The following CDIN1 variants were observed in gnomAD, a reference collection of about 807,000 sequenced individuals.
The protein encoded by CDIN1 is CDAN1-interacting nuclease 1.
In CDIN1, 33 loss-of-function variants were observed where a neutral mutation model predicts 45.3. That is an observed-to-expected ratio of 0.73 (90% CI 0.55 to 0.97). The LOEUF is 0.97. Among genes scored for constraint, CDIN1 ranks in the 50% least tolerant of loss-of-function variants. The pLI is 0.00. For missense variants in CDIN1, 303 were observed against 339.4 expected, an observed-to-expected ratio of 0.89 and a Z score of 0.84; for synonymous variants, 118 against 124.4, an observed-to-expected ratio of 0.95 and a Z score of 0.34.
At chr15:36,714,258 A>G (rs1203804504) in intron 10 of CDIN1, among the ~76,000 whole-genome samples, 1 of 152,202 alleles carries the variant, frequency 6.6e-6, no homozygotes, top group African/African-American at 2.4e-5. Context: ...AAAAACAGAA[A>G]ATAACTGAGA....
chr15:36,723,107 C>G (rs1411994556), intron 10 of CDIN1, among the ~76,000 whole-genome samples: 1 of 151,978 alleles, frequency 6.6e-6, no homozygotes, highest in Non-Finnish European at 1.5e-5. Context: ...TTTTGGTCAC[C>G]TTTTCTCACA....
chr15:36,667,547 G>A (rs2041293243), intron 5 of CDIN1, among the ~76,000 whole-genome samples: 1 of 152,138 alleles, frequency 6.6e-6, no homozygotes, highest in African/African-American at 2.4e-5. Flanking sequence ...TATCTAAAAG[G>A]AAGTCTATTA....
chr15:36,702,666 A>G (rs996442125), intron 8 of CDIN1, among the ~76,000 whole-genome samples: 1 of 152,100 alleles, frequency 6.6e-6, no homozygotes, highest in Admixed American at 6.5e-5. Flanking sequence ...TTATTGGCTT[A>G]AATATACACT....
At chr15:36,598,006 T>G (rs984823829) in intron 1 of CDIN1, among the ~76,000 whole-genome samples, 13 of 152,204 alleles carry the variant, frequency 8.5e-5, no homozygotes, top group African/African-American at 3.1e-4. Context: ...TGATTATTCT[T>G]TTGAGACCGG....
chr15:36,782,900 G>A (rs1423022242), intron 10 of CDIN1, among the ~76,000 whole-genome samples: 3 of 152,098 alleles, frequency 2.0e-5, no homozygotes, highest in Admixed American at 6.5e-5. Flanking sequence ...AAAGAGTTCT[G>A]CCAGCCAGAC....
intron 7 of CDIN1, among the ~76,000 whole-genome samples, 172 bp from the exon 8 acceptor site, chr15:36,697,151 A>C (rs1178635495): frequency 6.6e-6 from 1 of 152,050 alleles, no homozygotes; most frequent in Admixed American, 6.6e-5. Flanking sequence ...GTTTTAAAAA[A>C]TTATAGAAAA....
At chr15:36,595,868 C>T (rs2037800741) in intron 1 of CDIN1, among the ~76,000 whole-genome samples, 1 of 152,236 alleles carries the variant, frequency 6.6e-6, no homozygotes, top group Non-Finnish European at 1.5e-5. Context: ...GACCCAGGCG[C>T]CTGCTGAGAA....
intron 1 of CDIN1, among the ~76,000 whole-genome samples, chr15:36,590,506 G>A (rs1001982416): frequency 2.6e-5 from 4 of 152,036 alleles, no homozygotes; most frequent in Admixed American, 6.6e-5. Flanking sequence ...ACCAAACACC[G>A]GCCCCTGCTA....
At chr15:36,780,259 T>G (rs1386179488) in intron 10 of CDIN1, among the ~76,000 whole-genome samples, 1 of 152,212 alleles carries the variant, frequency 6.6e-6, no homozygotes, top group African/African-American at 2.4e-5. Context: ...TCAGCCCTTT[T>G]ACTGAGTCTT....
intron 1 of CDIN1, among the ~76,000 whole-genome samples, chr15:36,609,208 G>A (rs952844676): frequency 5.3e-5 from 8 of 152,018 alleles, no homozygotes; most frequent in East Asian, 3.9e-4. Flanking sequence ...ATGGATGGGG[G>A]TCTCCCTTTG....
chr15:36,762,740 G>A (rs2053805560), intron 10 of CDIN1, among the ~76,000 whole-genome samples: 1 of 152,040 alleles, frequency 6.6e-6, no homozygotes, highest in East Asian at 1.9e-4. Flanking sequence ...AGAACATGCG[G>A]TGTTTGGATA....
At chr15:36,703,681 C>G (rs1396320643) in intron 8 of CDIN1, among the ~76,000 whole-genome samples, 4 of 151,934 alleles carry the variant, frequency 2.6e-5, no homozygotes, top group Non-Finnish European at 2.9e-5. Context: ...GAATTGAATC[C>G]TTTGGTCCTG....
chr15:36,654,249 G>GA (rs35076102), intron 4 of CDIN1, 91 bp downstream of exon 4: 2,981 of 930,486 alleles, frequency 3.2e-3, no homozygotes, highest in Middle Eastern at 4.1e-3. Flanking sequence ...ACTACCTTTG[G>GA]AAAAAAAAAG....
intron 3 of CDIN1, 149 bp downstream of exon 3, chr15:36,645,436 A>T: frequency 1.5e-6 from 1 of 685,092 alleles, no homozygotes; most frequent in Non-Finnish European, 2.3e-6. Context: ...ATGTTTTTGA[A>T]TGAGTTTTCA....
chr15:36,702,565 C>T (rs1358228448), intron 8 of CDIN1, among the ~76,000 whole-genome samples: 1 of 152,042 alleles, frequency 6.6e-6, no homozygotes, highest in Admixed American at 6.6e-5. Flanking sequence ...GGGTCATCTG[C>T]TTTTGGGTCA....
In CDIN1 at chr15:36,661,861, A is replaced by T. The variant is rs189236910; in HGVS notation, c.346+3956A>T. ...ATAGAAAACTGTTAATGAAAATTTTATGAGTAGACATGATAATGGAAATAT... is the reference window on the plus strand; with the variant it reads ...ATAGAAAACTGTTAATGAAAATTTTTTGAGTAGACATGATAATGGAAATAT... On this transcript the variant is annotated intron_variant, in intron 5 of 10. Coordinates refer to ENST00000566621, the MANE Select transcript of CDIN1 (RefSeq NM_001321759.2). Among the ~76,000 whole-genome samples the T allele has an allele frequency of 4.0e-3, 606 of 152,336 alleles. 1 individual carries two copies. The highest frequency in any genetic ancestry group is 0.01 in the Middle Eastern group (3 of 294).
At chr15:36,793,426 G>T (rs998879747) in intron 10 of CDIN1, among the ~76,000 whole-genome samples, 1 of 152,088 alleles carries the variant, frequency 6.6e-6, no homozygotes, top group Non-Finnish European at 1.5e-5. Flanking sequence ...TCCCTCCCGT[G>T]TTATCTTAAG....
chr15:36,699,837 C>G (rs11633985), intron 8 of CDIN1, among the ~76,000 whole-genome samples: 40,730 of 151,938 alleles, frequency 0.27, 5,619 homozygotes, highest in East Asian at 0.42. Flanking sequence ...CAGAAGTGTT[C>G]TTATCATTGA....
chr15:36,709,308 T>G lies in CDIN1; in HGVS notation c.610+20T>G, dbSNP rs777899136. The stretch of plus-strand genomic sequence containing the variant: ...CAGTTGGTAAGTTCTTTAACTCTGT[T>G]ATGCATTTGTTTTTAGAGAAAAGGG... On this transcript the variant is annotated intron_variant, in intron 9 of 10. Coordinates refer to ENST00000566621, the MANE Select transcript of CDIN1 (RefSeq NM_001321759.2). 4 of 1,577,598 alleles carry G rather than the reference T, an allele frequency of 2.5e-6. No homozygotes were observed. In the Admixed American group the frequency reaches 5.4e-5, roughly 21 times the overall value.
Sources: gnomAD v4.1 joint callset for allele counts (sites outside exome capture counted in the v4.1 genomes callset) on GRCh38, gnomAD v4.1.1 for gene constraint, MANE v1.5 for transcripts, NCBI Gene and HGNC (gene_info 2026-07-23, HGNC 2026-07-21) for gene names.